LAMP1: variants seen among roughly 807,000 people sequenced by gnomAD.
LAMP1 encodes the protein lysosome associated membrane protein 1.
In LAMP1, 7 loss-of-function variants were observed where a neutral mutation model predicts 37.5. The observed-to-expected ratio is 0.19, with a 90% confidence interval of 0.11 to 0.35. The LOEUF is 0.35. Among genes scored for constraint, LAMP1 ranks in the 10% least tolerant of loss-of-function variants. The pLI is 1.00. For synonymous variants in LAMP1, 236 were observed against 229.1 expected, an observed-to-expected ratio of 1.03 and a Z score of -0.27; for missense variants, 537 against 552.8, an observed-to-expected ratio of 0.97 and a Z score of 0.29.
In LAMP1 at chr13:113,321,430, A is replaced by G. The variant is rs1231886192; in HGVS notation, c.903A>G (p.Leu301=). Residue 301 remains leucine (L), a synonymous_variant, in exon 7 of 9, where the codon CTA becomes CTG. Coordinates refer to ENST00000332556, the MANE Select transcript of LAMP1 (RefSeq NM_005561.4). This position sits in a 1 kb window ranked among gnomAD's most constrained non-coding sequence, Gnocchi z 5.6. ...GMNASSSRFF[L]QGIQLNTILP... is the part of the protein sequence containing the mutation. Reference sequence around the variant, plus strand: ...ATGCAAGTTCTAGCCGGTTTTTCCTACAAGGAATCCAGTTGAATACAATTC... The same window carrying G: ...ATGCAAGTTCTAGCCGGTTTTTCCTGCAAGGAATCCAGTTGAATACAATTC... 2 of 1,614,088 alleles carry G rather than the reference A, an allele frequency of 1.2e-6. No homozygotes were observed. The highest frequency in any genetic ancestry group is 1.7e-5 in the Admixed American group (1 of 60,014).
rs545579974 is a variant in LAMP1, at chr13:113,309,489, T to C, written c.184-154T>C. Among the ~76,000 whole-genome samples the C allele has an allele frequency of 2.0e-4, 30 of 152,354 alleles. 1 individual carries two copies. Among genetic ancestry groups the C allele is most frequent in the African/African-American group, 6.5e-4 (27 of 41,582 alleles). On this transcript the variant is annotated intron_variant, in intron 2 of 8. Coordinates refer to ENST00000332556, the MANE Select transcript of LAMP1 (RefSeq NM_005561.4). ...CTTTTACTGACATGTAATACTAACC[T>C]TTTTTTGGTTTATATTAAAAATGAG...
chr13:113,305,855 G>T (rs1181393079), intron 1 of LAMP1: 1 of 152,234 alleles, frequency 6.6e-6, no homozygotes, highest in Non-Finnish European at 1.5e-5. Context: ...TGAGAAAGGC[G>T]GAACAGCGTA....
intron 1 of LAMP1, among the ~76,000 whole-genome samples, chr13:113,301,737 C>G (rs1024286748): frequency 6.9e-6 from 1 of 145,870 alleles, no homozygotes; most frequent in African/African-American, 2.5e-5. Context: ...GGTTGTGATT[C>G]AGTGCCTGGG....
rs1028177655 is a variant in LAMP1, at chr13:113,320,516, A to C, written c.876+46A>C. The C allele has an allele frequency of 2.5e-6, 4 of 1,586,372 alleles. No homozygotes were observed. Among genetic ancestry groups the C allele is most frequent in the Non-Finnish European group, 3.4e-6 (4 of 1,168,764 alleles). On this transcript the variant is annotated intron_variant, in intron 6 of 8. Coordinates refer to ENST00000332556, the MANE Select transcript of LAMP1 (RefSeq NM_005561.4). This position sits in a 1 kb window ranked among gnomAD's most constrained non-coding sequence, Gnocchi z 4.4. ...CTCTGGGGGCGCCCACTGTGTCTCC[A>C]CCACATCTTTTTGTGCCCTGGGTCT...
At chr13:113,318,723 T>G (rs1226920430) in intron 4 of LAMP1, among the ~76,000 whole-genome samples, 6 of 152,062 alleles carry the variant, frequency 3.9e-5, no homozygotes. Context: ...TGTGCCCTCT[T>G]GTCTGGGGAT....
chr13:113,306,540 C>A lies in LAMP1; in HGVS notation c.117C>A (p.Thr39=), dbSNP rs372572919. The change falls in exon 2 of 9, where the codon ACC becomes ACA. Residue 39 remains threonine, a synonymous_variant. Transcript: ENST00000332556. ...AMFMVKNGNG[T]ACIMANFSAA... ...TTATGGTGAAAAATGGCAACGGGAC[C>A]GCGTGCATAATGGCCAACTTCTCTG... 2 of 1,613,878 alleles carry A rather than the reference C, an allele frequency of 1.2e-6. No homozygotes were observed. The highest frequency in any genetic ancestry group is 1.3e-5 in the African/African-American group (1 of 74,898).
At chr13:113,308,485 C>A (rs1446283370) in intron 2 of LAMP1, among the ~76,000 whole-genome samples, 1 of 151,302 alleles carries the variant, frequency 6.6e-6, no homozygotes, top group East Asian at 2.0e-4. Context: ...GGCATGCGCC[C>A]AGCTAATTTT....
chr13:113,322,331 G>A lies in LAMP1; in HGVS notation c.1164G>A (p.Val388=), dbSNP rs1218243047. The part of the protein sequence containing the change: ...DENSMLIPIA[V]GGALAGLVLI... The stretch of plus-strand genomic sequence containing the variant: ...ACAGCATGCTGATCCCCATCGCTGT[G>A]GGTGGTGCCCTGGCGGGGCTGGTCC... Residue 388 remains valine, a synonymous_variant, in exon 9 of 9, where the codon GTG becomes GTA. Transcript: ENST00000332556. 1 of 1,613,794 alleles carries A rather than the reference G, an allele frequency of 6.2e-7. No homozygotes were observed. Among genetic ancestry groups the A allele is most frequent in the Non-Finnish European group, 8.5e-7 (1 of 1,179,906 alleles).
intron 1 of LAMP1, among the ~76,000 whole-genome samples, chr13:113,302,454 TGCTGGGATTACAG>T (rs1165730745): frequency 1.3e-5 from 2 of 152,244 alleles, no homozygotes; most frequent in Non-Finnish European, 2.9e-5. Flanking sequence ...CCTCCCAAAG[TGCTGGGATTACAG>T]GCTGGGATTA....
At chr13:113,301,522 C>T (rs932311660) in intron 1 of LAMP1, among the ~76,000 whole-genome samples, 5 of 150,928 alleles carry the variant, frequency 3.3e-5, no homozygotes, top group Non-Finnish European at 7.4e-5. Flanking sequence ...ACTTGGAAGG[C>T]TGAGGTAGGA....
chr13:113,322,382 C>T lies in LAMP1; in HGVS notation c.1215C>T (p.Val405=), dbSNP rs776752641. 1.1e-5 allele frequency: 18 copies of T among 1,613,620 alleles called. No individual in the cohort carries two copies. Among genetic ancestry groups the T allele is most frequent in the East Asian group, 2.2e-5 (1 of 44,846 alleles). The change falls in exon 9 of 9, where the codon GTC becomes GTT. Residue 405 remains valine (V), a synonymous_variant. Transcript: ENST00000332556. Reference sequence around the variant, plus strand: ...TCATCGTCCTCATCGCCTACCTCGTCGGCAGGAAGAGGAGTCACGCAGGCT... The same window carrying T: ...TCATCGTCCTCATCGCCTACCTCGTTGGCAGGAAGAGGAGTCACGCAGGCT... ...LVLIVLIAYL[V]GRKRSHAGYQ... is the part of the protein sequence containing the mutation.
rs1011697583 is a variant in LAMP1 at position 113,321,303 on chromosome 13, A to G, written c.877-101A>G. 2.6e-5 allele frequency: 25 copies of G among 958,986 alleles called. No homozygotes were observed. Among genetic ancestry groups the G allele is most frequent in the East Asian group, 2.4e-5 (1 of 41,778 alleles). The allele number at this position is 958,986 out of a possible 1,614,324, so 59.4% of individuals were successfully genotyped here. A position where few individuals can be genotyped will look rare whatever the true frequency, so the allele number is the denominator to read the frequency against. ...TGTAGGAAGTCAGGTTTATTACCCAATGACCATTCACGTTTGATGATAAAT... is the reference window on the plus strand; with the variant it reads ...TGTAGGAAGTCAGGTTTATTACCCAGTGACCATTCACGTTTGATGATAAAT... On this transcript the variant is annotated intron_variant, in intron 6 of 8. Coordinates refer to ENST00000332556, the MANE Select transcript of LAMP1 (RefSeq NM_005561.4). The surrounding 1 kb of genome is among the most constrained non-coding windows in gnomAD (Gnocchi z 5.6).
chr13:113,310,843 T>C lies in LAMP1; in HGVS notation c.538T>C (p.Ser180Pro). The change falls in exon 4 of 9, where the codon TCC (serine) becomes CCC (proline). Residue 180 changes from serine to proline, a missense_variant. Transcript: ENST00000332556. ...LHDATIQAYLSNSSFSRGETR... is the reference protein window; with the variant it reads ...LHDATIQAYLPNSSFSRGETR... The stretch of plus-strand genomic sequence containing the variant: ...TGATGCCACCATCCAGGCGTACCTT[T>C]CCAACAGCAGCTTCAGCCGGGGAGG... 1 of 1,613,656 alleles carries C rather than the reference T, an allele frequency of 6.2e-7. No individual in the cohort carries two copies. The highest frequency in any genetic ancestry group is 1.1e-5 in the South Asian group (1 of 90,998).
intron 2 of LAMP1, among the ~76,000 whole-genome samples, chr13:113,307,003 C>G (rs549328494): frequency 5.1e-4 from 78 of 151,790 alleles, no homozygotes; most frequent in Non-Finnish European, 8.8e-4. Flanking sequence ...CCACGCACAG[C>G]TAATATTTTG....
intron 4 of LAMP1, among the ~76,000 whole-genome samples, chr13:113,317,454 T>C (rs1240586912): frequency 2.6e-5 from 4 of 152,212 alleles, no homozygotes; most frequent in Admixed American, 6.5e-5. Context: ...TGGTTAGACC[T>C]GATGATGTTT....
intron 4 of LAMP1, among the ~76,000 whole-genome samples, chr13:113,311,193 G>T (rs934603359): frequency 1.7e-4 from 26 of 152,168 alleles, no homozygotes; most frequent in African/African-American, 5.6e-4. Flanking sequence ...GATCACCAGG[G>T]GCTGGGGTTA....
At position 113,322,501 on chromosome 13, in the gene LAMP1, A is replaced by T; in HGVS notation, c.*80A>T. 2 of 1,370,250 alleles carry T rather than the reference A, an allele frequency of 1.5e-6. No individual in the cohort carries two copies. 84.9% of individuals were successfully genotyped at this position (1,370,250 alleles called of 1,614,324 possible). On this transcript the variant is annotated 3_prime_UTR_variant, in exon 9 of 9. Coordinates refer to ENST00000332556, the MANE Select transcript of LAMP1 (RefSeq NM_005561.4). ...TAGGGTCCTGTCGAAGGGGAGGCAC[A>T]CTTTCTGGCAAACGTTTCTCAAATC...
chr13:113,298,150 A>G (rs930379097), intron 1 of LAMP1, among the ~76,000 whole-genome samples: 1 of 152,210 alleles, frequency 6.6e-6, no homozygotes, highest in African/African-American at 2.4e-5. Flanking sequence ...AGCTGGCCTC[A>G]GACTCACGGT....
At chr13:113,314,902 GT>G (rs2042652412) in intron 4 of LAMP1, among the ~76,000 whole-genome samples, 1 of 104,678 alleles carries the variant, frequency 9.6e-6, no homozygotes, top group African/African-American at 4.1e-5. Context: ...CCTAGAGGGA[GT>G]CAGTGTGGAG....
Sources: gnomAD v4.1 joint callset for allele counts (sites outside exome capture counted in the v4.1 genomes callset) on GRCh38, gnomAD v4.1.1 for gene constraint, Gnocchi (gnomAD v3.1) non-coding constraint, MANE v1.5 for transcripts, NCBI Gene and HGNC (gene_info 2026-07-23, HGNC 2026-07-21) for gene names.